HERC3: variants seen among roughly 807,000 people sequenced by gnomAD.
HERC3 encodes the protein HECT and RLD domain containing E3 ubiquitin protein ligase 3.
HERC3 carries 58 observed loss-of-function variants against 129.9 expected under a neutral mutation model. The ratio of observed to expected loss-of-function variants is 0.45; its 90% CI spans 0.36 to 0.56. The LOEUF (loss-of-function observed/expected upper bound fraction) is 0.56. Ranked by LOEUF, HERC3 falls within the 20% of genes least tolerant of loss-of-function variation. HERC3 has a pLI of 0.00. For missense variants in HERC3, 835 were observed against 1,244.2 expected, an observed-to-expected ratio of 0.67 and a Z score of 4.95; for synonymous variants, 430 against 451.0, an observed-to-expected ratio of 0.95 and a Z score of 0.59.
At chr4:88,577,867 G>T in the HERC3 span, among the ~76,000 whole-genome samples, 1 of 152,080 alleles carries the variant, frequency 6.6e-6, no homozygotes, top group Non-Finnish European at 1.5e-5. Flanking sequence ...TACTATGAGT[G>T]AACTTTAGAG....
intron 23 of HERC3, chr4:88,693,796 T>C (rs1276320350): frequency 1.0e-5 from 5 of 499,180 alleles, no homozygotes; most frequent in Non-Finnish European, 1.3e-5. Flanking sequence ...GTTGGTTGAG[T>C]GTGTATTGCA....
chr4:88,572,140 C>T, the HERC3 span, among the ~76,000 whole-genome samples: 1 of 152,150 alleles, frequency 6.6e-6, no homozygotes, highest in Non-Finnish European at 1.5e-5. Context: ...AGAAACCAAC[C>T]TTGCTGGGCA....
At chr4:88,593,145 C>G (rs1415510780) in intron 1 of HERC3, 1 of 152,112 alleles carries the variant, frequency 6.6e-6, no homozygotes, top group East Asian at 1.9e-4. Context: ...ACAGCGCCGG[C>G]AGGGCTGCGG....
the HERC3 span, among the ~76,000 whole-genome samples, chr4:88,578,208 C>T: frequency 2.6e-5 from 4 of 152,154 alleles, no homozygotes; most frequent in Non-Finnish European, 4.4e-5. Context: ...TTTACATTAT[C>T]ATAATTATCA....
chr4:88,563,186 T>G, the HERC3 span, among the ~76,000 whole-genome samples: 18 of 152,214 alleles, frequency 1.2e-4, no homozygotes, highest in Non-Finnish European at 1.9e-4. Flanking sequence ...GAATCAGTGT[T>G]TTATAGTTTC....
chr4:88,574,766 C>T, the HERC3 span, among the ~76,000 whole-genome samples: 3 of 152,078 alleles, frequency 2.0e-5, no homozygotes, highest in East Asian at 1.9e-4. Context: ...TTTCGAAGGC[C>T]GAATATTCCA....
At chr4:88,542,458 CA>C in the HERC3 span, among the ~76,000 whole-genome samples, 3 of 151,850 alleles carry the variant, frequency 2.0e-5, no homozygotes, top group Non-Finnish European at 4.4e-5. Flanking sequence ...TAATAACAAC[CA>C]AAAAAAGTCC....
chr4:88,628,550 A>C (rs1039394983), intron 3 of HERC3, among the ~76,000 whole-genome samples: 1 of 152,132 alleles, frequency 6.6e-6, no homozygotes, highest in Non-Finnish European at 1.5e-5. Flanking sequence ...AATTGACAGA[A>C]GACTGCAATT....
At chr4:88,532,326 C>A in the HERC3 span, among the ~76,000 whole-genome samples, 3 of 152,156 alleles carry the variant, frequency 2.0e-5, no homozygotes, top group African/African-American at 7.2e-5. Flanking sequence ...CAGTCCAAGT[C>A]CAAAGGCCTG....
chr4:88,707,616 T>C lies in HERC3; in HGVS notation c.*656T>C, dbSNP rs1354661478. Reference sequence around the variant, plus strand: ...AAAGTTCTTGAGGGAATAGCAACTTTCCCATGGCTGTGCCTATTTCCTAGA... The same window carrying C: ...AAAGTTCTTGAGGGAATAGCAACTTCCCCATGGCTGTGCCTATTTCCTAGA... On this transcript the variant is annotated 3_prime_UTR_variant, in exon 26 of 26. Coordinates refer to ENST00000402738, the MANE Select transcript of HERC3 (RefSeq NM_014606.3). 6.6e-6 allele frequency: 1 copy of C among 152,252 alleles called. No individual in the cohort carries two copies. Among genetic ancestry groups the C allele is most frequent in the African/African-American group, 2.4e-5 (1 of 41,426 alleles). The allele number at this position is 152,252 out of a possible 1,614,324, so 9.4% of individuals were successfully genotyped here. A position where few individuals can be genotyped will look rare whatever the true frequency, so the allele number is the denominator to read the frequency against.
the HERC3 span, among the ~76,000 whole-genome samples, chr4:88,561,196 T>G: frequency 9.4e-6 from 1 of 106,596 alleles, no homozygotes; most frequent in South Asian, 2.9e-4. Context: ...TAAATATTTT[T>G]AAGTATTTTA....
intron 23 of HERC3, chr4:88,697,962 C>G: frequency 1.5e-6 from 1 of 652,562 alleles, no homozygotes; most frequent in African/African-American, 1.8e-5. Flanking sequence ...GCACCAGATT[C>G]CTCCTGTTGC....
chr4:88,667,833 G>A (rs1409164290), intron 13 of HERC3, 59 bp from the exon 14 acceptor site: 1 of 1,279,730 alleles, frequency 7.8e-7, no homozygotes, highest in Non-Finnish European at 1.1e-6. Context: ...TGAACTTAGA[G>A]AAAGTTAACT....
At chr4:88,591,483 C>T (rs1721705449), upstream of HERC3, among the ~76,000 whole-genome samples, 1 of 152,154 alleles carries the variant, frequency 6.6e-6, no homozygotes, top group South Asian at 2.1e-4. Context: ...AAGAATCTAT[C>T]CTCAAAGGGC....
intron 3 of HERC3, among the ~76,000 whole-genome samples, chr4:88,640,753 C>A (rs1454487312): frequency 6.6e-6 from 1 of 152,116 alleles, no homozygotes; most frequent in African/African-American, 2.4e-5. Context: ...TAAATAAGAT[C>A]AGTTCAGCAG....
At chr4:88,593,713 G>T (rs1022765756) in intron 1 of HERC3, among the ~76,000 whole-genome samples, 10 of 152,150 alleles carry the variant, frequency 6.6e-5, no homozygotes, top group African/African-American at 2.2e-4. Flanking sequence ...CAAATAAGAA[G>T]CTATTTCTAG....
intron 11 of HERC3, among the ~76,000 whole-genome samples, chr4:88,663,237 C>A (rs776473492): frequency 6.6e-6 from 1 of 152,024 alleles, no homozygotes; most frequent in African/African-American, 2.4e-5. Context: ...GCCAAATGAC[C>A]AGGACGCTAC....
At chr4:88,658,592 G>T in intron 10 of HERC3, 101 bp downstream of exon 10, 2 of 583,522 alleles carry the variant, frequency 3.4e-6, no homozygotes, top group Non-Finnish European at 6.1e-6. Flanking sequence ...GTTACTCTTT[G>T]TTTCTACCAA....
chr4:88,691,013 AG>A (rs2149331171), intron 23 of HERC3, among the ~76,000 whole-genome samples: 1 of 152,334 alleles, frequency 6.6e-6, no homozygotes, highest in Non-Finnish European at 1.5e-5. Flanking sequence ...CAGCTTGGAC[AG>A]ATGCATCTGG....
Sources: gnomAD v4.1 joint callset for allele counts (sites outside exome capture counted in the v4.1 genomes callset) on GRCh38, gnomAD v4.1.1 for gene constraint, MANE v1.5 for transcripts, NCBI Gene and HGNC (gene_info 2026-07-23, HGNC 2026-07-21) for gene names.